DENND3: variants seen among roughly 807,000 people sequenced by gnomAD.
DENND3 encodes DENN domain-containing protein 3.
Under a neutral mutation model 135.1 loss-of-function variants are expected in DENND3, and 88 were observed. The observed-to-expected ratio is 0.65, with a 90% CI of 0.55 to 0.78. The LOEUF (loss-of-function observed/expected upper bound fraction) is 0.78, where lower values mean the gene tolerates loss of function less well. DENND3 is among the 30% of genes least tolerant of loss of function. The pLI is 0.00. For synonymous variants in DENND3, 693 were observed against 712.3 expected, an observed-to-expected ratio of 0.97 and a Z score of 0.43; for missense variants, 1,392 against 1,688.4, an observed-to-expected ratio of 0.82 and a Z score of 3.08.
chr8:141,179,200 G>C (rs1264884405), intron 16 of DENND3, among the ~76,000 whole-genome samples: 1 of 152,264 alleles, frequency 6.6e-6, no homozygotes, highest in Non-Finnish European at 1.5e-5. Context: ...TTGAGCTGCA[G>C]CAGCAGCCGG....
chr8:141,158,060 G>T, intron 8 of DENND3: 1 of 1,201,746 alleles, frequency 8.3e-7, no homozygotes, highest in Non-Finnish European at 1.1e-6. Flanking sequence ...GCGCCCAGTC[G>T]GAGAACTACC....
intron 11 of DENND3, 115 bp downstream of exon 11, chr8:141,165,404 G>A (rs1319702172): frequency 1.4e-6 from 1 of 730,382 alleles, no homozygotes; most frequent in Non-Finnish European, 2.3e-6. Context: ...CTTGTGCTTA[G>A]AAACTCATGA....
Position 141,178,164 on chromosome 8 carries a change from A to G in DENND3, c.2804A>G (p.Lys935Arg). The change falls in exon 16 of 23, where the codon AAG (lysine) becomes AGG (arginine). Residue 935 changes from lysine to arginine, a missense_variant. Lys to Arg is a conservative substitution (Grantham distance 26). Transcript: ENST00000519811. ...QSPGAIYAASKLSYFDKMSNE... is the reference protein window; with the variant it reads ...QSPGAIYAASRLSYFDKMSNE... ...CCAGGCGCCATCTACGCTGCCTCCA[A>G]GTTATCCTACTTTGATAAGATGAGT... is the stretch of plus-strand genomic sequence containing the variant. 1 of 1,613,142 alleles carries G rather than the reference A, an allele frequency of 6.2e-7. No homozygotes were observed. Among genetic ancestry groups the G allele is most frequent in the South Asian group, 1.1e-5 (1 of 91,070 alleles).
rs962538790 is a variant in DENND3 at position 141,167,725 on chromosome 8, T to G, written c.1754-279T>G. Among the ~76,000 whole-genome samples the G allele has an allele frequency of 1.3e-5, 2 of 152,200 alleles. No individual in the cohort carries two copies. The highest frequency in any genetic ancestry group is 2.9e-5 in the Non-Finnish European group (2 of 68,036). On this transcript the variant is annotated intron_variant, in intron 12 of 22. Transcript: ENST00000519811. The surrounding 1 kb of genome is among the most constrained non-coding windows in gnomAD (Gnocchi z 4.1). ...ATTAGCTTCATCCTCAAATAAAGCC[T>G]CAGTACCCGATACCTCAGTAGTATT...
chr8:141,168,425 G>A lies in DENND3; in HGVS notation c.2175G>A (p.Lys725=), dbSNP rs371607599. ...DDHVKKFKLP[K]KHMQLGDFMK... The stretch of plus-strand genomic sequence containing the variant: ...ACGTGAAGAAGTTCAAGCTGCCCAA[G>A]AAGCACATGCAGCTGGGCGACTTCA... Residue 725 remains lysine (K), a synonymous_variant, in exon 13 of 23, where the codon AAG becomes AAA. Transcript: ENST00000519811. This position sits in a 1 kb window ranked among gnomAD's most constrained non-coding sequence, Gnocchi z 6.2. 1,432 of 1,613,892 alleles carry A rather than the reference G, an allele frequency of 8.9e-4. 18 individuals are homozygous for A. The South Asian group carries it at 0.015, about 17-fold the overall frequency.
chr8:141,142,993 A>T (rs1817643202), intron 4 of DENND3: 1 of 152,688 alleles, frequency 6.5e-6, no homozygotes, highest in Non-Finnish European at 1.5e-5. Flanking sequence ...AAGCAAACAC[A>T]TATTTAACTT....
At chr8:141,142,135 G>A (rs964831616) in intron 4 of DENND3, 15 of 332,102 alleles carry the variant, frequency 4.5e-5, no homozygotes, top group African/African-American at 3.1e-4. Flanking sequence ...GAAAGACATC[G>A]TATAGAACCC....
At position 141,166,223 on chromosome 8, in the gene DENND3, G is replaced by T. The variant is rs764484696; in HGVS notation, c.1587G>T (p.Pro529=). ...GAATGCTTCTAAGTCCAAGGAGACC[G>T]ACCGTTGAGAAAAGAGCCTCCCGGA... ...INGMLLSPRR[P]TVEKRASRKS... Residue 529 remains proline (P), a synonymous_variant, in exon 12 of 23, where the codon CCG becomes CCT. Transcript: ENST00000519811. The surrounding 1 kb of genome is among the most constrained non-coding windows in gnomAD (Gnocchi z 4.3). The T allele has an allele frequency of 6.2e-7, 1 of 1,614,148 alleles. No individual in the cohort carries two copies. The highest frequency in any genetic ancestry group is 8.5e-7 in the Non-Finnish European group (1 of 1,180,042).
chr8:141,154,334 T>C lies in DENND3; in HGVS notation c.1075-1515T>C, dbSNP rs1819173847. ...CAAGTCATCATGTGCATATCTCAAA[T>C]ATTCCAGGGCTACGCGGTCTCTTAG... On this transcript the variant is annotated intron_variant, in intron 7 of 22. Transcript: ENST00000519811. The surrounding 1 kb of genome is among the most constrained non-coding windows in gnomAD (Gnocchi z 4.4). Among the ~76,000 whole-genome samples, 1 of 152,172 alleles carries C rather than the reference T, an allele frequency of 6.6e-6. No individual in the cohort carries two copies. Among genetic ancestry groups the C allele is most frequent in the South Asian group, 2.1e-4 (1 of 4,826 alleles).
rs1817229061 is a variant in DENND3, at chr8:141,139,771, T to C, written c.502-1432T>C. Among the ~76,000 whole-genome samples, 1 of 152,262 alleles carries C rather than the reference T, an allele frequency of 6.6e-6. No individual in the cohort carries two copies. The highest frequency in any genetic ancestry group is 1.5e-5 in the Non-Finnish European group (1 of 68,046). On this transcript the variant is annotated intron_variant, in intron 3 of 22. Coordinates refer to ENST00000519811, the MANE Select transcript of DENND3 (RefSeq NM_001352890.3). This position sits in a 1 kb window ranked among gnomAD's most constrained non-coding sequence, Gnocchi z 4.2. ...ACAGCAGATGCCACTGTTCCCAGTG[T>C]GCCGGCCTGGCGTGGGCATGCCTGG... is the stretch of plus-strand genomic sequence containing the variant.
At position 141,148,276 on chromosome 8, in the gene DENND3, G is replaced by A. The variant is rs1457984756; in HGVS notation, c.736-2558G>A. 5.9e-5 allele frequency among the ~76,000 whole-genome samples: 9 copies of A among 152,142 alleles called. 1 individual carries two copies. Among genetic ancestry groups the A allele is most frequent in the South Asian group, 4.1e-4 (2 of 4,830 alleles). On this transcript the variant is annotated intron_variant, in intron 5 of 22. Transcript: ENST00000519811. ...GGAGGGAGGGGGCCCCATGGCACAG[G>A]GGGTAGAGGACAGAGCCATGCCCTG...
At chr8:141,150,738 C>T in intron 5 of DENND3, 96 bp from the exon 6 acceptor site, 1 of 1,428,706 alleles carries the variant, frequency 7.0e-7, no homozygotes, top group Non-Finnish European at 9.3e-7. Context: ...TGTTTTCTAA[C>T]TCTGATGCCC....
Position 141,144,148 on chromosome 8 carries a change from T to G in DENND3, c.624T>G (p.Cys208Trp). 1 of 1,604,592 alleles carries G rather than the reference T, an allele frequency of 6.2e-7. No homozygotes were observed. Residue 208 changes from cysteine to tryptophan, a missense_variant and splice_region_variant, in exon 5 of 23, where the codon TGT becomes TGG. By Grantham distance (215) the Cys-to-Trp change is radical. Transcript: ENST00000519811. This position sits in a 1 kb window ranked among gnomAD's most constrained non-coding sequence, Gnocchi z 4.4. ...YYNSLKDCLS[C>W]LLALLKPCKD... ...TTGAGTTTTGTGTTTCGAATTTCAG[T>G]TTATTGGCTCTTCTGAAGCCCTGTA...
intron 16 of DENND3, among the ~76,000 whole-genome samples, chr8:141,179,909 C>T (rs76213857): frequency 0.026 from 3,942 of 152,266 alleles, 156 homozygotes; most frequent in African/African-American, 0.089. Flanking sequence ...GAGTCCTGGA[C>T]GCAGGAGGTC....
chr8:141,137,235 C>T lies in DENND3; in HGVS notation c.385+444C>T, dbSNP rs912652639. On this transcript the variant is annotated intron_variant, in intron 2 of 22. Transcript: ENST00000519811. This position sits in a 1 kb window ranked among gnomAD's most constrained non-coding sequence, Gnocchi z 4.1. Reference sequence around the variant, plus strand: ...CCTCAAGTGATCCACCTGCCTTAGCCTCCCAAAGTGCTGGGATTACAGGCG... The same window carrying T: ...CCTCAAGTGATCCACCTGCCTTAGCTTCCCAAAGTGCTGGGATTACAGGCG... Among the ~76,000 whole-genome samples the T allele has an allele frequency of 1.5e-4, 23 of 152,186 alleles. No individual in the cohort carries two copies. Among genetic ancestry groups the T allele is most frequent in the African/African-American group, 5.3e-4 (22 of 41,426 alleles).
intron 4 of DENND3, chr8:141,143,873 A>G (rs1226600262): frequency 3.2e-6 from 1 of 310,220 alleles, no homozygotes; most frequent in African/African-American, 2.2e-5. Flanking sequence ...CAAATTGAAC[A>G]CACACATGTA....
chr8:141,193,208 A>G (rs1466778781), intron 22 of DENND3: 1 of 174,584 alleles, frequency 5.7e-6, no homozygotes, highest in African/African-American at 2.4e-5. Context: ...AGAAGCTCAC[A>G]TTCTGAGGTT....
Position 141,176,663 on chromosome 8 carries a change from AAAG to A in DENND3, c.2612_2614del (p.Glu871del), listed in dbSNP as rs1451700179. ...TTTAAAAATCAGAGTGGCGTCCAAGAAAGAAGTCTTCGAAGCCAACCTGAAAAC... is the reference window on the plus strand; with the variant it reads ...TTTAAAAATCAGAGTGGCGTCCAAGAAAGTCTTCGAAGCCAACCTGAAAAC... On this transcript the variant is annotated inframe_deletion, in exon 15 of 23. Coordinates refer to ENST00000519811, the MANE Select transcript of DENND3 (RefSeq NM_001352890.3). 2.5e-6 allele frequency: 4 copies of A among 1,614,136 alleles called. No individual in the cohort carries two copies. Among genetic ancestry groups the A allele is most frequent in the Admixed American group, 3.3e-5 (2 of 60,010 alleles).
chr8:141,146,712 C>T lies in DENND3; in HGVS notation c.735+2453C>T, dbSNP rs1214127754. Among the ~76,000 whole-genome samples the T allele has an allele frequency of 1.3e-5, 2 of 152,146 alleles. No homozygotes were observed. Among genetic ancestry groups the T allele is most frequent in the South Asian group, 2.1e-4 (1 of 4,818 alleles). On this transcript the variant is annotated intron_variant, in intron 5 of 22. Coordinates refer to ENST00000519811, the MANE Select transcript of DENND3 (RefSeq NM_001352890.3). This position sits in a 1 kb window ranked among gnomAD's most constrained non-coding sequence, Gnocchi z 4.3. Reference sequence around the variant, plus strand: ...CAGTCTGCTGGGTGGAAAATCCTGCCGGTGCATTCCAGTCCAGATACGCAG... The same window carrying T: ...CAGTCTGCTGGGTGGAAAATCCTGCTGGTGCATTCCAGTCCAGATACGCAG...
Sources: gnomAD v4.1 joint callset for allele counts (sites outside exome capture counted in the v4.1 genomes callset) on GRCh38, gnomAD v4.1.1 for gene constraint, Gnocchi (gnomAD v3.1) non-coding constraint, MANE v1.5 for transcripts, NCBI Gene and HGNC (gene_info 2026-07-23, HGNC 2026-07-21) for gene names.